Variants in MUSK observed in about 807,000 individuals in gnomAD.
MUSK encodes muscle, skeletal receptor tyrosine-protein kinase.
In MUSK, 55 loss-of-function variants were observed where a neutral mutation model predicts 88.7. That is an observed-to-expected ratio of 0.62 (90% CI 0.50 to 0.78). The LOEUF (loss-of-function observed/expected upper bound fraction) is 0.78, where lower values mean the gene tolerates loss of function less well. Among genes scored for constraint, MUSK ranks in the 30% least tolerant of loss-of-function variants. The pLI, the probability that MUSK is intolerant of heterozygous loss-of-function variation, is 0.00. For synonymous variants in MUSK, 387 were observed against 391.9 expected (o/e 0.99, Z 0.15); for missense variants, 1,015 against 1,074.3 (o/e 0.94, Z 0.77).
rs753218110 is a variant in MUSK, at chr9:110,682,809, T to C, written c.206+9T>C. On this transcript the variant is annotated intron_variant, in intron 2 of 14. Coordinates refer to ENST00000374448, the MANE Select transcript of MUSK (RefSeq NM_005592.4). ...AATAAAATTCTCATTAAGTAAGTATTCCACATTTTAATTTTTTTAAATTTT... is the reference window on the plus strand; with the variant it reads ...AATAAAATTCTCATTAAGTAAGTATCCCACATTTTAATTTTTTTAAATTTT... The C allele has an allele frequency of 2.6e-5, 42 of 1,607,506 alleles. No individual in the cohort carries two copies. In the South Asian group the frequency reaches 4.6e-4, roughly 18 times the overall value.
chr9:110,687,207 C>T lies in MUSK; in HGVS notation c.297C>T (p.Cys99=). ...ACAGTGATGATGGCATTTACTGCTG[C>T]ACGGCCAACAATGGTGTGGGAGGAG... ...VEDSDDGIYC[C]TANNGVGGAV... The change falls in exon 3 of 15, where the codon TGC becomes TGT. Residue 99 remains cysteine, a synonymous_variant. Coordinates refer to ENST00000374448, the MANE Select transcript of MUSK (RefSeq NM_005592.4). 1 of 1,613,854 alleles carries T rather than the reference C, an allele frequency of 6.2e-7. No homozygotes were observed.
In MUSK at chr9:110,697,391, G is replaced by A. The variant is rs749359907; in HGVS notation, c.553G>A (p.Ala185Thr). The change falls in exon 5 of 15, where the codon GCA becomes ACA. Residue 185 changes from alanine (A) to threonine (T), a missense_variant. Transcript: ENST00000374448. The part of the protein sequence containing the change: ...LRIHNVQKED[A>T]GQYRCVAKNS... ...GATTCATAACGTACAAAAGGAAGAT[G>A]CAGGACAGTATCGATGTGTGGCAAA... 4.3e-6 allele frequency: 7 copies of A among 1,613,060 alleles called. No individual in the cohort carries two copies. In the South Asian group the frequency reaches 6.6e-5, roughly 15 times the overall value.
At chr9:110,674,056 A>G (rs2075994279) in intron 1 of MUSK, among the ~76,000 whole-genome samples, 1 of 152,106 alleles carries the variant, frequency 6.6e-6, no homozygotes, top group Non-Finnish European at 1.5e-5. Flanking sequence ...GTGCTAGTAT[A>G]TGTTTAATAT....
At chr9:110,725,780 T>C (rs781090487) in intron 5 of MUSK, among the ~76,000 whole-genome samples, 4 of 152,012 alleles carry the variant, frequency 2.6e-5, no homozygotes, top group Non-Finnish European at 4.4e-5. Context: ...CAAATCAATT[T>C]GGAAGACAAG....
chr9:110,688,919 T>C (rs1464109318), intron 3 of MUSK, among the ~76,000 whole-genome samples: 1 of 146,634 alleles, frequency 6.8e-6, no homozygotes, highest in Admixed American at 7.0e-5. Flanking sequence ...TTGTTATATA[T>C]ATTTATATAT....
At chr9:110,741,505 G>A (rs530142275) in intron 6 of MUSK, among the ~76,000 whole-genome samples, 9 of 152,126 alleles carry the variant, frequency 5.9e-5, no homozygotes, top group African/African-American at 2.2e-4. Context: ...GCGTCAATGT[G>A]TGAAATTTTA....
chr9:110,713,072 T>C (rs543204175), intron 5 of MUSK, among the ~76,000 whole-genome samples: 6 of 151,596 alleles, frequency 4.0e-5, no homozygotes, highest in Admixed American at 6.6e-5. Flanking sequence ...AAAAAGAAAA[T>C]AGAGGAAAAA....
At chr9:110,765,856 G>T (rs145286676) in intron 8 of MUSK, among the ~76,000 whole-genome samples, 2 of 152,122 alleles carry the variant, frequency 1.3e-5, no homozygotes, top group Admixed American at 6.5e-5. Flanking sequence ...TTACAGGTGT[G>T]AGCCACCACA....
chr9:110,729,935 T>A (rs2076941854), intron 5 of MUSK, among the ~76,000 whole-genome samples: 1 of 152,070 alleles, frequency 6.6e-6, no homozygotes, highest in South Asian at 2.1e-4. Context: ...TCAGAGTGAA[T>A]TATGCCTTTA....
At chr9:110,733,113 G>T (rs1037619093) in intron 5 of MUSK, among the ~76,000 whole-genome samples, 2 of 152,002 alleles carry the variant, frequency 1.3e-5, no homozygotes, top group Non-Finnish European at 2.9e-5. Context: ...GCTAATTGGG[G>T]CTTCATACTC....
chr9:110,677,687 C>T (rs1445646884), intron 1 of MUSK, among the ~76,000 whole-genome samples: 1 of 152,168 alleles, frequency 6.6e-6, no homozygotes. Context: ...TTTGAATCAT[C>T]CTGTGAATGT....
At chr9:110,689,710 AC>A (rs1422443469) in intron 3 of MUSK, among the ~76,000 whole-genome samples, 9,649 of 51,010 alleles carry the variant, frequency 0.19, 1,416 homozygotes, top group African/African-American at 0.38. Flanking sequence ...TAAATATATA[AC>A]TATATATGTT....
At position 110,687,224 on chromosome 9, in the gene MUSK, TG is replaced by T; in HGVS notation, c.317del (p.Gly106GlufsTer12). The part of the protein sequence containing the change: ...GIYCCTANNG[V>X]GGAVESCGAL... The stretch of plus-strand genomic sequence containing the variant: ...TACTGCTGCACGGCCAACAATGGTG[TG>T]GGAGGAGCTGTGGAGAGTTGTGGAG... On this transcript the variant is annotated frameshift_variant, in exon 3 of 15. Transcript: ENST00000374448. LOFTEE classifies it high-confidence loss of function. The T allele has an allele frequency of 6.2e-7, 1 of 1,613,844 alleles. No individual in the cohort carries two copies. The highest frequency in any genetic ancestry group is 8.5e-7 in the Non-Finnish European group (1 of 1,179,828).
rs141525857 is a variant in MUSK, at chr9:110,765,826, G to A, written c.921-1994G>A. ...TGACCTCAGGTGATCCACCCATCTC[G>A]GCCTCCCAAAGTGCTGGGATTACAG... On this transcript the variant is annotated intron_variant, in intron 8 of 14. Transcript: ENST00000374448. Among the ~76,000 whole-genome samples the A allele has an allele frequency of 3.2e-3, 494 of 152,092 alleles. 4 individuals are homozygous for A. The highest frequency in any genetic ancestry group is 0.011 in the African/African-American group (470 of 41,472).
At chr9:110,761,123 G>A (rs992199899) in intron 7 of MUSK, among the ~76,000 whole-genome samples, 11 of 152,178 alleles carry the variant, frequency 7.2e-5, no homozygotes, top group African/African-American at 2.2e-4. Flanking sequence ...TTACAAGAAA[G>A]AAAATGGAAT....
rs987547485 is a variant in MUSK, at chr9:110,704,809, C to T, written c.628+7343C>T. Among the ~76,000 whole-genome samples, 4 of 151,850 alleles carry T rather than the reference C, an allele frequency of 2.6e-5. No individual in the cohort carries two copies. In the East Asian group the frequency reaches 5.8e-4, roughly 22 times the overall value. The stretch of plus-strand genomic sequence containing the variant: ...GACCAGCCTGGCCAACATGGTGAAA[C>T]CCCATCTCTACTAAAAATACAAAAA... On this transcript the variant is annotated intron_variant, in intron 5 of 14. Transcript: ENST00000374448.
intron 9 of MUSK, among the ~76,000 whole-genome samples, chr9:110,772,188 T>A (rs1026371219): frequency 6.6e-6 from 1 of 151,316 alleles, no homozygotes; most frequent in African/African-American, 2.4e-5. Flanking sequence ...GAATTAAAAT[T>A]AAATTTTATC....
At chr9:110,786,503 G>T (rs1168481295) in intron 13 of MUSK, among the ~76,000 whole-genome samples, 1 of 151,792 alleles carries the variant, frequency 6.6e-6, no homozygotes, top group Non-Finnish European at 1.5e-5. Flanking sequence ...TCACTTCTAC[G>T]ATTTTTAAAT....
At chr9:110,781,308 A>T (rs557379283) in intron 11 of MUSK, among the ~76,000 whole-genome samples, 7 of 151,164 alleles carry the variant, frequency 4.6e-5, no homozygotes, top group Middle Eastern at 3.5e-3. Context: ...ACGGAGTCTC[A>T]CTCTGTCGCC....
Sources: gnomAD v4.1 joint callset for allele counts (sites outside exome capture counted in the v4.1 genomes callset) on GRCh38, gnomAD v4.1.1 for gene constraint, MANE v1.5 for transcripts, NCBI Gene and HGNC (gene_info 2026-07-23, HGNC 2026-07-21) for gene names.